The following SLC5A11 variants were observed in gnomAD, a reference collection of about 807,000 sequenced individuals.
SLC5A11 encodes sodium/myo-inositol cotransporter 2.
A neutral mutation model predicts 69.8 loss-of-function variants in SLC5A11; 48 were observed. The observed-to-expected ratio is 0.69, with a 90% CI of 0.55 to 0.87. SLC5A11 has a LOEUF of 0.87. Among genes scored for constraint, SLC5A11 ranks in the 40% least tolerant of loss-of-function variants. The pLI, the probability that SLC5A11 is intolerant of heterozygous loss-of-function variation, is 0.00. For synonymous variants in SLC5A11, 319 were observed against 342.4 expected (o/e 0.93, Z 0.75); for missense variants, 784 against 866.1 (o/e 0.91, Z 1.19).
At chr16:24,895,427 T>C (rs1401432493) in intron 9 of SLC5A11, among the ~76,000 whole-genome samples, 1 of 151,108 alleles carries the variant, frequency 6.6e-6, no homozygotes, top group East Asian at 1.9e-4. Flanking sequence ...AGGTGGAGGC[T>C]GCAGTGAGCA....
intron 10 of SLC5A11, among the ~76,000 whole-genome samples, chr16:24,905,458 A>T (rs936361213): frequency 2.0e-5 from 3 of 151,464 alleles, no homozygotes; most frequent in Admixed American, 6.6e-5. Context: ...AAATAAAAAT[A>T]AAAATAAAAA....
chr16:24,856,979 C>T (rs1352245332), intron 1 of SLC5A11, among the ~76,000 whole-genome samples: 1 of 151,978 alleles, frequency 6.6e-6, no homozygotes, highest in African/African-American at 2.4e-5. Flanking sequence ...CGCCACCACA[C>T]CCAGCTAATT....
chr16:24,907,142 G>A (rs757763079), exon 12 of SLC5A11: 57 of 1,613,930 alleles, frequency 3.5e-5, no homozygotes, highest in East Asian at 4.5e-5. Flanking sequence ...CTCCGGCCTC[G>A]GGCATCTGAG....
intron 7 of SLC5A11, among the ~76,000 whole-genome samples, chr16:24,880,491 T>C (rs956256826): frequency 7.2e-5 from 11 of 152,232 alleles, no homozygotes; most frequent in Admixed American, 5.9e-4. Context: ...CGTGCCACCA[T>C]GCCCAGCTAA....
chr16:24,880,251 C>T (rs1355530810), intron 7 of SLC5A11, among the ~76,000 whole-genome samples: 1 of 152,182 alleles, frequency 6.6e-6, no homozygotes, highest in Non-Finnish European at 1.5e-5. Flanking sequence ...AACTTACAGT[C>T]ATGGTGGAAG....
chr16:24,852,790 T>C (rs2059366334), intron 1 of SLC5A11, among the ~76,000 whole-genome samples: 1 of 152,208 alleles, frequency 6.6e-6, no homozygotes, highest in Admixed American at 6.5e-5. Flanking sequence ...GCTTAATAAA[T>C]GTTTATTTCA....
At chr16:24,910,904 C>T (rs1403708579) in intron 15 of SLC5A11, among the ~76,000 whole-genome samples, 3 of 152,284 alleles carry the variant, frequency 2.0e-5, no homozygotes, top group Non-Finnish European at 4.4e-5. Context: ...CAGCATGGCT[C>T]AGGCCTGTAA....
chr16:24,898,501 T>A (rs188300567), intron 10 of SLC5A11, among the ~76,000 whole-genome samples: 1 of 149,774 alleles, frequency 6.7e-6, no homozygotes, highest in African/African-American at 2.4e-5. Flanking sequence ...TGAGCCAACA[T>A]GCCCAGTCCT....
chr16:24,849,770 C>G (rs1414184588), intron 1 of SLC5A11, among the ~76,000 whole-genome samples: 1 of 151,180 alleles, frequency 6.6e-6, no homozygotes, highest in Non-Finnish European at 1.5e-5. Flanking sequence ...CCTGCACTCA[C>G]TGGGCATATG....
chr16:24,866,307 A>G (rs1253509267), intron 3 of SLC5A11, among the ~76,000 whole-genome samples: 1 of 151,762 alleles, frequency 6.6e-6, no homozygotes, highest in East Asian at 1.9e-4. Context: ...TAGATCAAAG[A>G]TACAAATAGG....
At position 24,857,983 on chromosome 16, in the gene SLC5A11, A is replaced by T. The variant is rs535529662; in HGVS notation, c.-24-637A>T. Among the ~76,000 whole-genome samples the T allele has an allele frequency of 2.0e-5, 3 of 152,300 alleles. No homozygotes were observed. In the South Asian group the frequency reaches 6.2e-4, roughly 32 times the overall value. The stretch of plus-strand genomic sequence containing the variant: ...AAAGCATGGATTCTGGAGCAAGATT[A>T]TTGAGTTCAAATCTCAGCTTTATGA... On this transcript the variant is annotated intron_variant, in intron 1 of 15. Coordinates refer to ENST00000347898, the Ensembl canonical transcript of SLC5A11.
chr16:24,879,055 G>A (rs2047873679), intron 7 of SLC5A11, among the ~76,000 whole-genome samples: 1 of 151,936 alleles, frequency 6.6e-6, no homozygotes, highest in Non-Finnish European at 1.5e-5. Context: ...AAATAAATAT[G>A]TCAGTGTATA....
At position 24,855,644 on chromosome 16, in the gene SLC5A11, CTG is replaced by C. The variant is rs201089206; in HGVS notation, c.-24-2975_-24-2974del. Among the ~76,000 whole-genome samples the C allele has an allele frequency of 3.7e-3, 561 of 151,766 alleles. 1 individual carries two copies. The highest frequency in any genetic ancestry group is 4.7e-3 in the Non-Finnish European group (322 of 67,970). ...AGTGATTGTGCCACTGCACTCCAGTCTGGACACCAAAGTGAAACCTTGTCTCA... is the reference window on the plus strand; with the variant it reads ...AGTGATTGTGCCACTGCACTCCAGTCGACACCAAAGTGAAACCTTGTCTCA... On this transcript the variant is annotated intron_variant, in intron 1 of 15. Coordinates refer to ENST00000347898, the Ensembl canonical transcript of SLC5A11.
intron 1 of SLC5A11, among the ~76,000 whole-genome samples, chr16:24,848,377 G>T (rs1430090155): frequency 6.6e-6 from 1 of 152,192 alleles, no homozygotes; most frequent in Non-Finnish European, 1.5e-5. Context: ...GGGAGGCCAA[G>T]TTGGGAGGAT....
At chr16:24,897,380 C>T (rs2049258509) in intron 9 of SLC5A11, among the ~76,000 whole-genome samples, 1 of 152,032 alleles carries the variant, frequency 6.6e-6, no homozygotes, top group Non-Finnish European at 1.5e-5. Flanking sequence ...CTCTAATTGG[C>T]AAGGCGTAAC....
chr16:24,870,203 G>C (rs954184031), intron 4 of SLC5A11, among the ~76,000 whole-genome samples, 198 bp downstream of exon 5: 1 of 151,818 alleles, frequency 6.6e-6, no homozygotes, highest in African/African-American at 2.4e-5. Flanking sequence ...GACCAGCCTG[G>C]CCAACGTGGC....
intron 9 of SLC5A11, among the ~76,000 whole-genome samples, chr16:24,892,970 C>G (rs772422100): frequency 6.6e-6 from 1 of 151,960 alleles, no homozygotes; most frequent in Non-Finnish European, 1.5e-5. Context: ...ACATCATGGG[C>G]TTTAAATTTA....
At chr16:24,875,841 T>C in intron 6 of SLC5A11, 110 bp downstream of exon 7, 1 of 871,256 alleles carries the variant, frequency 1.1e-6, no homozygotes, top group Non-Finnish European at 1.8e-6. Flanking sequence ...TCGTCTTTCA[T>C]AGGCTGCAGG....
intron 9 of SLC5A11, among the ~76,000 whole-genome samples, chr16:24,895,205 C>A (rs532081397): frequency 6.6e-6 from 1 of 151,942 alleles, no homozygotes; most frequent in African/African-American, 2.4e-5. Context: ...GAAAACAGAC[C>A]CGGCTGGGTG....
Sources: allele counts gnomAD v4.1 joint callset (sites outside exome capture counted in the v4.1 genomes callset), GRCh38; gene constraint gnomAD v4.1.1; transcripts MANE v1.5; gene names NCBI Gene and HGNC (gene_info 2026-07-23, HGNC 2026-07-21).